Variants in ST6GALNAC3 observed in about 807,000 individuals in gnomAD.
The protein encoded by ST6GALNAC3 is ST6 N-acetylgalactosaminide alpha-2,6-sialyltransferase 3.
In ST6GALNAC3, 25 loss-of-function variants were observed where a neutral mutation model predicts 32.7. That is an observed-to-expected ratio of 0.76 (90% CI 0.56 to 1.07). The LOEUF is 1.07. Ranked by LOEUF, ST6GALNAC3 falls within the 50% of genes least tolerant of loss-of-function variation. The probability of loss-of-function intolerance (pLI) is 0.00; values close to 1 mark genes in which losing one functional copy is unlikely to be tolerated. For missense variants in ST6GALNAC3, 355 were observed against 382.4 expected (o/e 0.93, Z 0.60); for synonymous variants, 129 against 133.1 (o/e 0.97, Z 0.21).
intron 2 of ST6GALNAC3, among the ~76,000 whole-genome samples, chr1:76,374,914 G>A (rs1278856202): frequency 6.7e-6 from 1 of 149,948 alleles, no homozygotes; most frequent in Non-Finnish European, 1.5e-5. Flanking sequence ...TGTTTTTTTT[G>A]TGGTTTTCTG....
At chr1:76,284,420 G>A (rs1252654704) in intron 1 of ST6GALNAC3, among the ~76,000 whole-genome samples, 3 of 152,194 alleles carry the variant, frequency 2.0e-5, no homozygotes, top group African/African-American at 7.2e-5. Flanking sequence ...AGATAGGCAA[G>A]TATGAATGAA....
chr1:76,226,833 C>T (rs1017836552), intron 1 of ST6GALNAC3, among the ~76,000 whole-genome samples: 22 of 152,282 alleles, frequency 1.4e-4, no homozygotes, highest in African/African-American at 5.1e-4. Flanking sequence ...CATTTCCAAT[C>T]ACCTCCTCAC....
At chr1:76,429,507 A>G (rs1655609153) in intron 3 of ST6GALNAC3, among the ~76,000 whole-genome samples, 2 of 152,208 alleles carry the variant, frequency 1.3e-5, no homozygotes, top group Non-Finnish European at 2.9e-5. Context: ...ATTTTATTGC[A>G]TTGCACATTT....
At chr1:76,211,302 A>G (rs2100573683) in intron 1 of ST6GALNAC3, among the ~76,000 whole-genome samples, 1 of 152,304 alleles carries the variant, frequency 6.6e-6, no homozygotes, top group East Asian at 1.9e-4. Flanking sequence ...GCTGGAGAGG[A>G]TGTGGAGAAA....
In ST6GALNAC3 at chr1:76,496,636, C is replaced by T. The variant is rs1046122922; in HGVS notation, c.623+84219C>T. On this transcript the variant is annotated intron_variant, in intron 3 of 4. Transcript: ENST00000328299. ...AACCTCCCCACCCACTTCCACTTTG[C>T]CACAACCCCAAGAGAGGACACCCAT... Among the ~76,000 whole-genome samples, 3 of 152,214 alleles carry T rather than the reference C, an allele frequency of 2.0e-5. No individual in the cohort carries two copies. In the South Asian group the frequency reaches 6.2e-4, roughly 32 times the overall value.
At chr1:76,177,433 A>G (rs60815815) in intron 1 of ST6GALNAC3, among the ~76,000 whole-genome samples, 1,529 of 152,172 alleles carry the variant, frequency 0.01, 25 homozygotes, top group African/African-American at 0.035. Flanking sequence ...ACCCTAATTA[A>G]TTGGGTTCTA....
intron 1 of ST6GALNAC3, among the ~76,000 whole-genome samples, chr1:76,295,112 C>T (rs1051661946): frequency 2.0e-5 from 3 of 151,708 alleles, no homozygotes; most frequent in Non-Finnish European, 4.4e-5. Flanking sequence ...CCTCTGGAAG[C>T]CTTTATTGAG....
At chr1:76,151,579 C>T (rs964911708) in intron 1 of ST6GALNAC3, among the ~76,000 whole-genome samples, 2 of 152,164 alleles carry the variant, frequency 1.3e-5, no homozygotes, top group Admixed American at 6.5e-5. Context: ...ATCAAGCTCG[C>T]CATCACTGTG....
chr1:76,519,473 C>T (rs1400798036), intron 3 of ST6GALNAC3, among the ~76,000 whole-genome samples: 1 of 152,176 alleles, frequency 6.6e-6, no homozygotes, highest in East Asian at 1.9e-4. Context: ...GTCTCTTGAA[C>T]CTTTCTTTGA....
intron 3 of ST6GALNAC3, among the ~76,000 whole-genome samples, chr1:76,539,599 A>AT (rs1663856273): frequency 1.3e-5 from 2 of 152,086 alleles, no homozygotes; most frequent in South Asian, 4.1e-4. Flanking sequence ...ATGGGAGAAA[A>AT]TTTTTGCAGT....
chr1:76,228,395 C>A (rs1656189976), intron 1 of ST6GALNAC3, among the ~76,000 whole-genome samples: 1 of 152,174 alleles, frequency 6.6e-6, no homozygotes, highest in Non-Finnish European at 1.5e-5. Flanking sequence ...AAATCTGATT[C>A]TTTTCCTTAA....
At chr1:76,390,875 A>G (rs1444330592) in intron 2 of ST6GALNAC3, among the ~76,000 whole-genome samples, 4 of 151,064 alleles carry the variant, frequency 2.6e-5, no homozygotes, top group Non-Finnish European at 5.9e-5. Flanking sequence ...ATGTAAAACA[A>G]AATGGCACAT....
At chr1:76,433,598 T>C (rs1469565787) in intron 3 of ST6GALNAC3, among the ~76,000 whole-genome samples, 2 of 152,186 alleles carry the variant, frequency 1.3e-5, no homozygotes, top group Non-Finnish European at 2.9e-5. Flanking sequence ...CATGAAACCT[T>C]TTTCTTATCT....
intron 1 of ST6GALNAC3, among the ~76,000 whole-genome samples, chr1:76,259,912 G>T (rs551190558): frequency 6.6e-6 from 1 of 152,086 alleles, no homozygotes; most frequent in African/African-American, 2.4e-5. Flanking sequence ...TAGAACCTGG[G>T]ATGACACTCT....
chr1:76,613,806 G>C (rs1052160261), intron 3 of ST6GALNAC3, among the ~76,000 whole-genome samples: 15 of 152,154 alleles, frequency 9.9e-5, no homozygotes, highest in Non-Finnish European at 2.9e-5. Flanking sequence ...ATGCTTCCTG[G>C]GTAGCCCATG....
chr1:76,446,586 A>T (rs1037079792), intron 3 of ST6GALNAC3, among the ~76,000 whole-genome samples: 1 of 152,078 alleles, frequency 6.6e-6, no homozygotes, highest in Admixed American at 6.6e-5. Context: ...GGAGTCTGAT[A>T]TGGTTTGACT....
chr1:76,624,293 T>A (rs1648826069), intron 3 of ST6GALNAC3, among the ~76,000 whole-genome samples: 2 of 151,934 alleles, frequency 1.3e-5, no homozygotes, highest in Non-Finnish European at 2.9e-5. Flanking sequence ...CCTTATTAGG[T>A]GGTAAGATGG....
At chr1:76,343,857 A>AT (rs1158649368) in intron 2 of ST6GALNAC3, among the ~76,000 whole-genome samples, 1 of 152,246 alleles carries the variant, frequency 6.6e-6, no homozygotes, top group African/African-American at 2.4e-5. Context: ...AAAAAGAATT[A>AT]TAAAAAAAAG....
At chr1:76,186,048 C>G (rs61773765) in intron 1 of ST6GALNAC3, among the ~76,000 whole-genome samples, 15,893 of 152,180 alleles carry the variant, frequency 0.1, 985 homozygotes, top group Non-Finnish European at 0.14. Flanking sequence ...TTGGGAGGTC[C>G]TGGTACCAAT....
Sources: allele counts gnomAD v4.1 joint callset (sites outside exome capture counted in the v4.1 genomes callset), GRCh38; gene constraint gnomAD v4.1.1; transcripts MANE v1.5; gene names NCBI Gene and HGNC (gene_info 2026-07-23, HGNC 2026-07-21).